The following PARD3B variants were observed in gnomAD, a reference collection of about 807,000 sequenced individuals.
PARD3B encodes the protein par-3 family cell polarity regulator beta.
In PARD3B, 103 loss-of-function variants were observed where a neutral mutation model predicts 130.2. The observed-to-expected ratio is 0.79, with a 90% CI of 0.67 to 0.93. The LOEUF (loss-of-function observed/expected upper bound fraction) is 0.93. Among genes scored for constraint, PARD3B ranks in the 40% least tolerant of loss-of-function variants. The pLI is 0.00. For synonymous variants in PARD3B, 583 were observed against 553.2 expected, an observed-to-expected ratio of 1.05 and a Z score of -0.76; for missense variants, 1,609 against 1,499.2, an observed-to-expected ratio of 1.07 and a Z score of -1.21.
rs770786590 is a variant in PARD3B at position 205,301,743 on chromosome 2, C to G, written c.2630+42C>G. On this transcript the variant is annotated intron_variant, in intron 18 of 22. Transcript: ENST00000406610. The surrounding 1 kb of genome is among the most constrained non-coding windows in gnomAD (Gnocchi z 5.2). ...AAGGCAAAGTTGGTTCTCATTTTGT[C>G]TCTCCTGGTAAAATCACTCCTTTGT... 8 of 1,613,914 alleles carry G rather than the reference C, an allele frequency of 5.0e-6. No homozygotes were observed. The South Asian group carries it at 7.7e-5, about 16-fold the overall frequency.
At chr2:205,531,416 G>A (rs2051587543) in intron 21 of PARD3B, among the ~76,000 whole-genome samples, 1 of 152,150 alleles carries the variant, frequency 6.6e-6, no homozygotes, top group Non-Finnish European at 1.5e-5. Flanking sequence ...AGAATCGCCT[G>A]GGCATGCAAG....
At chr2:205,231,187 G>A (rs2038816447) in intron 15 of PARD3B, among the ~76,000 whole-genome samples, 1 of 151,990 alleles carries the variant, frequency 6.6e-6, no homozygotes, top group Non-Finnish European at 1.5e-5. Context: ...TTGTGGGGAG[G>A]ATTATCAGTG....
chr2:204,820,574 G>T (rs548410077), intron 2 of PARD3B, among the ~76,000 whole-genome samples: 6 of 152,048 alleles, frequency 3.9e-5, no homozygotes, highest in Admixed American at 2.0e-4. Context: ...CAGCACTTTG[G>T]GGGGCTGAGG....
At chr2:205,001,473 T>G (rs1321832563) in intron 3 of PARD3B, among the ~76,000 whole-genome samples, 1 of 152,208 alleles carries the variant, frequency 6.6e-6, no homozygotes, top group African/African-American at 2.4e-5. Context: ...AGCCCTTACA[T>G]ATCCTGATGG....
intron 10 of PARD3B, among the ~76,000 whole-genome samples, chr2:205,157,262 T>C (rs1212213049): frequency 6.6e-6 from 1 of 152,222 alleles, no homozygotes; most frequent in Non-Finnish European, 1.5e-5. Flanking sequence ...AGTTTACATT[T>C]AGTACGAAAC....
At chr2:205,004,408 A>G (rs561157914) in intron 3 of PARD3B, among the ~76,000 whole-genome samples, 16 of 152,342 alleles carry the variant, frequency 1.1e-4, no homozygotes, top group Non-Finnish European at 2.4e-4. Context: ...GTTTTGTTAT[A>G]AAAATAAATG....
In PARD3B at chr2:205,160,396, C is replaced by T. The variant is rs1223706593; in HGVS notation, c.1620+1489C>T. 6.6e-6 allele frequency among the ~76,000 whole-genome samples: 1 copy of T among 152,166 alleles called. No homozygotes were observed. The highest frequency in any genetic ancestry group is 1.9e-4 in the East Asian group (1 of 5,188). ...CAGGCTAGCTGGCGCATGTCCCTCT[C>T]ATGCCTCGAGCTGTCAGAGGGCCAG... On this transcript the variant is annotated intron_variant, in intron 11 of 22. Coordinates refer to ENST00000406610, the MANE Select transcript of PARD3B (RefSeq NM_001302769.2). The surrounding 1 kb of genome is among the most constrained non-coding windows in gnomAD (Gnocchi z 4.0).
rs140591874 is a variant in PARD3B, at chr2:205,415,218, G to A, written c.2741+14095G>A. On this transcript the variant is annotated intron_variant, in intron 19 of 22. Coordinates refer to ENST00000406610, the MANE Select transcript of PARD3B (RefSeq NM_001302769.2). ...CTTTTGACAATATTAAACCCAAATT[G>A]AATATGTTTCTATATAGGATATTTT... is the stretch of plus-strand genomic sequence containing the variant. Among the ~76,000 whole-genome samples, 458 of 152,110 alleles carry A rather than the reference G, an allele frequency of 3.0e-3. 5 individuals are homozygous for A. The highest frequency in any genetic ancestry group is 0.01 in the African/African-American group (432 of 41,510).
chr2:204,844,602 GT>G (rs1322426320), intron 2 of PARD3B, among the ~76,000 whole-genome samples: 1 of 152,110 alleles, frequency 6.6e-6, no homozygotes, highest in East Asian at 1.9e-4. Context: ...GGGGCTGGGT[GT>G]TATATATTTT....
At chr2:205,093,607 C>T (rs902721162) in intron 4 of PARD3B, among the ~76,000 whole-genome samples, 13 of 152,070 alleles carry the variant, frequency 8.5e-5, no homozygotes, top group African/African-American at 2.7e-4. Context: ...TGAGCATCTC[C>T]CCTTTGCCAG....
rs115310624 is a variant in PARD3B, at chr2:205,195,544, A to C, written c.2140+2224A>C. Among the ~76,000 whole-genome samples, 360 of 152,342 alleles carry C rather than the reference A, an allele frequency of 2.4e-3. 2 individuals carry two copies. The highest frequency in any genetic ancestry group is 8.2e-3 in the African/African-American group (340 of 41,580). On this transcript the variant is annotated intron_variant, in intron 15 of 22. Transcript: ENST00000406610. ...AGCCTTCTCAATATGAAATTCACTT[A>C]GGTGATACCGCAATGGTAAACATTT... is the stretch of plus-strand genomic sequence containing the variant.
chr2:204,790,858 C>A (rs140018585), intron 2 of PARD3B, among the ~76,000 whole-genome samples: 13,446 of 152,054 alleles, frequency 0.088, 782 homozygotes, highest in African/African-American at 0.16. Context: ...TAATACCAGC[C>A]CTTTGGGAGG....
At chr2:205,454,928 C>G (rs929720691) in intron 20 of PARD3B, among the ~76,000 whole-genome samples, 1 of 152,050 alleles carries the variant, frequency 6.6e-6, no homozygotes, top group African/African-American at 2.4e-5. Context: ...GTCAAAATTA[C>G]CCTTGAAAAT....
chr2:205,054,402 T>TATATA (rs1559392745), intron 4 of PARD3B, among the ~76,000 whole-genome samples: 117 of 39,146 alleles, frequency 3.0e-3, no homozygotes, highest in South Asian at 0.01. Context: ...ATGACATGTC[T>TATATA]TTTATATATA....
chr2:205,569,229 GT>G (rs2053474783), intron 22 of PARD3B, among the ~76,000 whole-genome samples: 3 of 151,438 alleles, frequency 2.0e-5, no homozygotes. Flanking sequence ...CTGTCTAGGT[GT>G]TTATCTCTGT....
chr2:205,359,367 A>G (rs747972587), intron 18 of PARD3B, among the ~76,000 whole-genome samples: 4 of 152,192 alleles, frequency 2.6e-5, no homozygotes, highest in Non-Finnish European at 4.4e-5. Flanking sequence ...AATCTTATGC[A>G]TGTACTCTGG....
chr2:205,590,460 G>T lies in PARD3B; in HGVS notation c.3261-24996G>T, dbSNP rs183699648. 7.2e-5 allele frequency among the ~76,000 whole-genome samples: 11 copies of T among 152,266 alleles called. No homozygotes were observed. In the East Asian group the frequency reaches 2.1e-3, roughly 29 times the overall value. On this transcript the variant is annotated intron_variant, in intron 22 of 22. Coordinates refer to ENST00000406610, the MANE Select transcript of PARD3B (RefSeq NM_001302769.2). This position sits in a 1 kb window ranked among gnomAD's most constrained non-coding sequence, Gnocchi z 4.1. ...CACAGAAGTCCTAGGATCATCTCAG[G>T]TTGCTTTTATCGCGGTATGTTTTTA...
intron 1 of PARD3B, among the ~76,000 whole-genome samples, chr2:204,643,057 T>A (rs1199466814): frequency 7.7e-6 from 1 of 130,694 alleles, no homozygotes; most frequent in Non-Finnish European, 1.6e-5. Context: ...CAGATTGCAG[T>A]GAGCCGAGAT....
chr2:204,741,125 C>G (rs1019297304), intron 2 of PARD3B, among the ~76,000 whole-genome samples: 1 of 152,030 alleles, frequency 6.6e-6, no homozygotes, highest in Non-Finnish European at 1.5e-5. Flanking sequence ...GCAGGTTTTG[C>G]TTTGTTCCTG....
Sources: gnomAD v4.1 joint callset for allele counts (sites outside exome capture counted in the v4.1 genomes callset) on GRCh38, gnomAD v4.1.1 for gene constraint, Gnocchi (gnomAD v3.1) non-coding constraint, MANE v1.5 for transcripts, NCBI Gene and HGNC (gene_info 2026-07-23, HGNC 2026-07-21) for gene names.